Variants in UQCRC2 observed in about 807,000 individuals in gnomAD.
UQCRC2 encodes ubiquinol-cytochrome c reductase core protein 2.
Under a neutral mutation model 55.6 loss-of-function variants are expected in UQCRC2, and 49 were observed. That is an observed-to-expected ratio of 0.88 (90% CI 0.70 to 1.12). The LOEUF (loss-of-function observed/expected upper bound fraction) is 1.12. UQCRC2 is among the 50% of genes most tolerant of loss of function. The pLI is 0.00. For synonymous variants in UQCRC2, 193 were observed against 192.0 expected, an observed-to-expected ratio of 1.01 and a Z score of -0.04; for missense variants, 506 against 547.8, an observed-to-expected ratio of 0.92 and a Z score of 0.76.
rs1277036733 is a variant in UQCRC2, at chr16:21,957,518, C to G, written c.219C>G (p.Asp73Glu). The part of the protein sequence containing the change: ...LFIKAGSRYE[D>E]FSNLGTTHLL... ...TTAAAGCAGGCAGTAGATATGAGGA[C>G]TTCAGCAATTTAGGAACCACCCATT... The change falls in exon 3 of 14, where the codon GAC becomes GAG. Residue 73 changes from aspartate to glutamate, a missense_variant. Transcript: ENST00000268379. The G allele has an allele frequency of 6.2e-7, 1 of 1,614,170 alleles. No homozygotes were observed. The highest frequency in any genetic ancestry group is 1.7e-5 in the Admixed American group (1 of 60,010).
chr16:21,958,304 G>A (rs1244349362), intron 3 of UQCRC2, among the ~76,000 whole-genome samples: 1 of 152,142 alleles, frequency 6.6e-6, no homozygotes, highest in African/African-American at 2.4e-5. Flanking sequence ...ATAGACTAAT[G>A]AATCCAGTAA....
rs143434256 is a variant in UQCRC2, at chr16:21,962,507, G to T, written c.380G>T (p.Arg127Leu). 6.2e-7 allele frequency: 1 copy of T among 1,614,128 alleles called. No individual in the cohort carries two copies. Among genetic ancestry groups the T allele is most frequent in the Non-Finnish European group, 8.5e-7 (1 of 1,180,016 alleles). Residue 127 changes from arginine (R) to leucine (L), a missense_variant, in exon 5 of 14, where the codon CGG becomes CTG. By Grantham distance (102) the Arg-to-Leu change is moderately radical. Transcript: ENST00000268379. Reference sequence around the variant, plus strand: ...ATGGCTTATACTGTGGAATGCCTGCGGGGTGATGTGTAAGTACCTGTGTGT... The same window carrying T: ...ATGGCTTATACTGTGGAATGCCTGCTGGGTGATGTGTAAGTACCTGTGTGT... Reference protein sequence around the residue: ...ENMAYTVECLRGDVDILMEFL... With the variant: ...ENMAYTVECLLGDVDILMEFL...
intron 4 of UQCRC2, chr16:21,962,200 T>C (rs1898220897): frequency 2.2e-6 from 1 of 453,886 alleles, no homozygotes; most frequent in Admixed American, 3.4e-5. Context: ...TGGCTTATTA[T>C]CCTTAGCATA....
intron 7 of UQCRC2, among the ~76,000 whole-genome samples, chr16:21,966,393 C>T (rs910343954): frequency 6.6e-6 from 1 of 152,028 alleles, no homozygotes; most frequent in Non-Finnish European, 1.5e-5. Flanking sequence ...AAACATGAAA[C>T]ATTGAATGCT....
In UQCRC2 at chr16:21,958,095, G is replaced by A. The variant is rs533169921; in HGVS notation, c.268-440G>A. Among the ~76,000 whole-genome samples, 59 of 152,120 alleles carry A rather than the reference G, an allele frequency of 3.9e-4. 1 individual carries two copies. The Middle Eastern group carries it at 0.017, about 44-fold the overall frequency. ...TCTGGCTGGACATAAATTTGGGGGG[G>A]AACACTGTTAAACCCAGTACTGTCC... On this transcript the variant is annotated intron_variant, in intron 3 of 13. Coordinates refer to ENST00000268379, the MANE Select transcript of UQCRC2 (RefSeq NM_003366.4).
chr16:21,978,500 C>T (rs1467696159), intron 12 of UQCRC2, among the ~76,000 whole-genome samples: 1 of 152,144 alleles, frequency 6.6e-6, no homozygotes, highest in African/African-American at 2.4e-5. Flanking sequence ...GCTTACAAGA[C>T]CTGTACTGCC....
chr16:21,976,490 G>A (rs1345988072), intron 12 of UQCRC2: 24 of 383,870 alleles, frequency 6.3e-5, no homozygotes, highest in Non-Finnish European at 1.4e-5. Context: ...CCAGGAGTTT[G>A]AGACCAGCTT....
chr16:21,957,712 A>G, intron 3 of UQCRC2, 146 bp downstream of exon 3: 1 of 1,216,556 alleles, frequency 8.2e-7, no homozygotes, highest in South Asian at 1.5e-5. Flanking sequence ...TAAACCAAAT[A>G]AGTTTATCCT....
chr16:21,972,916 A>G (rs368565918), intron 10 of UQCRC2, among the ~76,000 whole-genome samples: 6 of 152,354 alleles, frequency 3.9e-5, no homozygotes, highest in African/African-American at 1.4e-4. Flanking sequence ...CCTGGCTAAC[A>G]CAGTGAAACC....
chr16:21,981,005 G>A (rs1330089435), intron 13 of UQCRC2, among the ~76,000 whole-genome samples: 2 of 152,120 alleles, frequency 1.3e-5, no homozygotes, highest in African/African-American at 2.4e-5. Context: ...CGTATCAAAC[G>A]TTAGGTTAAA....
At chr16:21,961,243 ATAT>A (rs1291833175) in intron 4 of UQCRC2, 12 of 378,800 alleles carry the variant, frequency 3.2e-5, no homozygotes, top group Middle Eastern at 3.6e-4. Flanking sequence ...ATATCTGGTA[ATAT>A]TGAAAAACCC....
chr16:21,979,332 G>A (rs1220687371), intron 12 of UQCRC2, among the ~76,000 whole-genome samples: 2 of 152,130 alleles, frequency 1.3e-5, no homozygotes, highest in African/African-American at 4.8e-5. Context: ...GAAAACCATC[G>A]CAATTTCAGC....
In UQCRC2 at chr16:21,958,537, G is replaced by C. The variant is rs749084912; in HGVS notation, c.270G>C (p.Thr90=). Residue 90 remains threonine, a splice_region_variant and synonymous_variant, in exon 4 of 14, where the codon ACG becomes ACC. Transcript: ENST00000268379. The part of the protein sequence containing the change: ...THLLRLTSSL[T]TKGASSFKIT... ...ATAATCATTCTTTCTTTTTCAAGAC[G>C]ACAAAAGGAGCTTCATCTTTCAAGA... The C allele has an allele frequency of 6.2e-7, 1 of 1,611,502 alleles. No homozygotes were observed. The highest frequency in any genetic ancestry group is 1.7e-5 in the Admixed American group (1 of 59,322).
intron 11 of UQCRC2, among the ~76,000 whole-genome samples, chr16:21,974,515 T>G (rs1437558107): frequency 6.6e-6 from 1 of 152,222 alleles, no homozygotes; most frequent in East Asian, 1.9e-4. Context: ...TCATTACCAC[T>G]GAGAAGTCTG....
At chr16:21,981,421 A>G (rs1898724319) in intron 13 of UQCRC2, among the ~76,000 whole-genome samples, 1 of 152,132 alleles carries the variant, frequency 6.6e-6, no homozygotes, top group Non-Finnish European at 1.5e-5. Context: ...CTTCTCACCA[A>G]CAGGTCTACC....
intron 8 of UQCRC2, among the ~76,000 whole-genome samples, chr16:21,969,144 G>C (rs1898397891): frequency 6.6e-6 from 1 of 152,144 alleles, no homozygotes; most frequent in South Asian, 2.1e-4. Context: ...ACTCTGCCCA[G>C]AATTAACCAG....
At chr16:21,964,016 C>T (rs1023446781) in intron 6 of UQCRC2, among the ~76,000 whole-genome samples, 7 of 152,006 alleles carry the variant, frequency 4.6e-5, no homozygotes, top group Non-Finnish European at 8.8e-5. Flanking sequence ...AAGCAAGCGC[C>T]GCTGACTCTT....
intron 6 of UQCRC2, 71 bp downstream of exon 6, chr16:21,962,956 A>G: frequency 1.3e-6 from 2 of 1,514,368 alleles, no homozygotes; most frequent in Non-Finnish European, 1.8e-6. Context: ...TATAGAAGAA[A>G]AAAAATTGCT....
chr16:21,957,146 C>A, intron 1 of UQCRC2, 89 bp from the exon 2 acceptor site: 2 of 1,280,570 alleles, frequency 1.6e-6, no homozygotes, highest in South Asian at 1.3e-5. Context: ...CGAACACCCT[C>A]TGTCGCTTGG....
Sources: gnomAD v4.1 joint callset for allele counts (sites outside exome capture counted in the v4.1 genomes callset) on GRCh38, gnomAD v4.1.1 for gene constraint, MANE v1.5 for transcripts, NCBI Gene and HGNC (gene_info 2026-07-23, HGNC 2026-07-21) for gene names.